The following TBC1D19 variants were observed in gnomAD, a reference collection of about 807,000 sequenced individuals.
The protein encoded by TBC1D19 is TBC1 domain family member 19, also known as TBC1 domain family, member 19.
A neutral mutation model predicts 89.0 loss-of-function variants in TBC1D19; 60 were observed. The ratio of observed to expected loss-of-function variants is 0.67; its 90% confidence interval spans 0.55 to 0.84. The LOEUF (loss-of-function observed/expected upper bound fraction) is 0.84. Among genes scored for constraint, TBC1D19 ranks in the 40% least tolerant of loss-of-function variants. TBC1D19 has a pLI of 0.00. For missense variants in TBC1D19, 500 were observed against 610.8 expected (o/e 0.82, Z 1.91); for synonymous variants, 189 against 199.7 (o/e 0.95, Z 0.45).
intron 7 of TBC1D19, among the ~76,000 whole-genome samples, chr4:26,647,652 G>A (rs1228795480): frequency 6.6e-6 from 1 of 152,080 alleles, no homozygotes; most frequent in African/African-American, 2.4e-5. Context: ...CCCATTACCT[G>A]TCTGAGTTCA....
chr4:26,694,013 C>G (rs767310819), intron 13 of TBC1D19, among the ~76,000 whole-genome samples: 1 of 152,072 alleles, frequency 6.6e-6, no homozygotes. Context: ...AACTGAGGTA[C>G]CGGGTTCACC....
chr4:26,817,300 C>T, the TBC1D19 span, among the ~76,000 whole-genome samples: 7 of 152,136 alleles, frequency 4.6e-5, no homozygotes. Flanking sequence ...CCGCCGGCAG[C>T]TTAGGCAGCA....
chr4:26,614,321 A>G, intron 2 of TBC1D19, 87 bp from the exon 3 acceptor site: 1 of 967,624 alleles, frequency 1.0e-6, no homozygotes, highest in Non-Finnish European at 1.5e-6. Flanking sequence ...TATGATGCCA[A>G]AGTTTTATTG....
chr4:26,750,717 G>T (rs1040220074), intron 19 of TBC1D19, among the ~76,000 whole-genome samples: 6 of 152,156 alleles, frequency 3.9e-5, no homozygotes, highest in African/African-American at 1.4e-4. Context: ...CTACAGGGAA[G>T]AATTCTGGAA....
At chr4:26,732,945 T>A (rs1717755667) in intron 15 of TBC1D19, among the ~76,000 whole-genome samples, 1 of 152,214 alleles carries the variant, frequency 6.6e-6, no homozygotes, top group Non-Finnish European at 1.5e-5. Flanking sequence ...AAGTGAAGTC[T>A]ACAATTCAGT....
chr4:26,790,691 G>A, the TBC1D19 span, among the ~76,000 whole-genome samples: 16 of 152,154 alleles, frequency 1.1e-4, no homozygotes, highest in Non-Finnish European at 2.1e-4. Flanking sequence ...TTTGCATTCT[G>A]GAGGCAAGAG....
chr4:26,677,587 C>T (rs1327801050), intron 11 of TBC1D19, among the ~76,000 whole-genome samples: 1 of 152,120 alleles, frequency 6.6e-6, no homozygotes, highest in Non-Finnish European at 1.5e-5. Context: ...TCCCAATACC[C>T]TGCTTTTTTA....
chr4:26,684,970 C>CA (rs1713682806), intron 12 of TBC1D19, among the ~76,000 whole-genome samples: 1 of 152,048 alleles, frequency 6.6e-6, no homozygotes, highest in South Asian at 2.1e-4. Flanking sequence ...TCTGTAAAAC[C>CA]ACGCTTTGAA....
chr4:26,591,201 C>T (rs570327358), intron 1 of TBC1D19, among the ~76,000 whole-genome samples: 8 of 151,926 alleles, frequency 5.3e-5, no homozygotes, highest in African/African-American at 1.7e-4. Flanking sequence ...ATTTAATGTT[C>T]CTCTCTGTCT....
In TBC1D19 at chr4:26,675,036, T is replaced by C. The variant is rs555785679; in HGVS notation, c.816+1148T>C. On this transcript the variant is annotated intron_variant, in intron 11 of 20. Transcript: ENST00000264866. ...GCTTGCAATTTATTTCAGAGCAGTT[T>C]TAGACAAATGATATTGCTGACTTTT... 3.9e-5 allele frequency among the ~76,000 whole-genome samples: 6 copies of C among 152,182 alleles called. No individual in the cohort carries two copies. In the South Asian group the frequency reaches 1.2e-3, roughly 32 times the overall value.
At chr4:26,727,274 T>C (rs1717379105) in intron 15 of TBC1D19, among the ~76,000 whole-genome samples, 1 of 152,220 alleles carries the variant, frequency 6.6e-6, no homozygotes, top group African/African-American at 2.4e-5. Flanking sequence ...CTAGGTAGTA[T>C]GCACCCTACA....
intron 11 of TBC1D19, among the ~76,000 whole-genome samples, chr4:26,678,261 G>C (rs1210472048): frequency 6.6e-6 from 1 of 152,216 alleles, no homozygotes; most frequent in Non-Finnish European, 1.5e-5. Context: ...AAAGAGACTG[G>C]CAGCATTTTG....
the TBC1D19 span, among the ~76,000 whole-genome samples, chr4:26,795,987 T>C: frequency 1.8e-4 from 27 of 152,314 alleles, no homozygotes; most frequent in East Asian, 5.2e-3. Flanking sequence ...CCATTGTTTT[T>C]TACACAAATG....
At chr4:26,676,643 C>T (rs756155973) in intron 11 of TBC1D19, among the ~76,000 whole-genome samples, 21 of 150,876 alleles carry the variant, frequency 1.4e-4, no homozygotes, top group Admixed American at 9.9e-4. Context: ...GTCGTGAACC[C>T]GGGAGGCAGA....
At chr4:26,669,526 G>T (rs189722015) in intron 9 of TBC1D19, among the ~76,000 whole-genome samples, 19 of 151,836 alleles carry the variant, frequency 1.3e-4, no homozygotes. Flanking sequence ...GGAGATTTTG[G>T]TTCTGACTTT....
chr4:26,796,805 A>G, the TBC1D19 span, among the ~76,000 whole-genome samples: 1 of 152,230 alleles, frequency 6.6e-6, no homozygotes, highest in Admixed American at 6.5e-5. Context: ...TTTCATGTCT[A>G]GAAAAGGCAA....
chr4:26,651,648 AC>A (rs1744393519), intron 7 of TBC1D19, among the ~76,000 whole-genome samples: 1 of 151,938 alleles, frequency 6.6e-6, no homozygotes, highest in African/African-American at 2.4e-5. Flanking sequence ...TACAATCATG[AC>A]ATCTGCAAAC....
At chr4:26,771,206 A>T in the TBC1D19 span, among the ~76,000 whole-genome samples, 1 of 152,068 alleles carries the variant, frequency 6.6e-6, no homozygotes, top group South Asian at 2.1e-4. Context: ...GTTCACAACG[A>T]TGTTGAGAAA....
chr4:26,809,899 T>A, the TBC1D19 span, among the ~76,000 whole-genome samples: 1 of 152,330 alleles, frequency 6.6e-6, no homozygotes, highest in East Asian at 1.9e-4. Flanking sequence ...TTCCACATTA[T>A]TCCATCTGAA....
Sources: gnomAD v4.1 joint callset for allele counts (sites outside exome capture counted in the v4.1 genomes callset) on GRCh38, gnomAD v4.1.1 for gene constraint, MANE v1.5 for transcripts, NCBI Gene and HGNC (gene_info 2026-07-23, HGNC 2026-07-21) for gene names.